The following SMARCA5 variants were observed in gnomAD, a reference collection of about 807,000 sequenced individuals.
The protein encoded by SMARCA5 is SWI/SNF-related matrix-associated actin-dependent regulator of chromatin subfamily A member 5.
A neutral mutation model predicts 140.4 loss-of-function variants in SMARCA5; 18 were observed. The observed-to-expected ratio is 0.13, with a 90% CI of 0.09 to 0.19. The LOEUF is 0.19. Among genes scored for constraint, SMARCA5 ranks in the 10% least tolerant of loss-of-function variants. The pLI, the probability that SMARCA5 is intolerant of heterozygous loss-of-function variation, is 1.00. For synonymous variants in SMARCA5, 449 were observed against 419.6 expected, an observed-to-expected ratio of 1.07 and a Z score of -0.86; for missense variants, 606 against 1,276.8, an observed-to-expected ratio of 0.47 and a Z score of 8.01.
chr4:143,531,049 C>G (rs1737173859), intron 9 of SMARCA5, among the ~76,000 whole-genome samples: 1 of 152,164 alleles, frequency 6.6e-6, no homozygotes, highest in Admixed American at 6.5e-5. Context: ...CTTCTGAACT[C>G]AAGTTATCAA....
chr4:143,530,395 G>A, intron 8 of SMARCA5, 63 bp from the exon 9 acceptor site: 1 of 996,330 alleles, frequency 1.0e-6, no homozygotes, highest in South Asian at 1.5e-5. Context: ...TCTATATCTG[G>A]TATTATAGGG....
intron 3 of SMARCA5, among the ~76,000 whole-genome samples, chr4:143,523,565 CAG>C (rs1482285449): frequency 6.6e-6 from 1 of 152,116 alleles, no homozygotes; most frequent in African/African-American, 2.4e-5. Context: ...CAAGGAATAA[CAG>C]ACTAGGATGT....
At chr4:143,523,951 C>G (rs1325036710) in intron 3 of SMARCA5, among the ~76,000 whole-genome samples, 1 of 152,126 alleles carries the variant, frequency 6.6e-6, no homozygotes, top group African/African-American at 2.4e-5. Flanking sequence ...GTGGTCACTG[C>G]TTAAATTTCT....
At chr4:143,518,863 T>G (rs1252417543) in intron 2 of SMARCA5, among the ~76,000 whole-genome samples, 1 of 152,134 alleles carries the variant, frequency 6.6e-6, no homozygotes, top group Non-Finnish European at 1.5e-5. Flanking sequence ...CTTTATAGTT[T>G]AGATTCTGAC....
At chr4:143,521,716 C>G (rs1223366168) in intron 3 of SMARCA5, 121 bp downstream of exon 3, 3 of 907,572 alleles carry the variant, frequency 3.3e-6, no homozygotes, top group Non-Finnish European at 4.9e-6. Context: ...TTATTTGGCC[C>G]TGTTTGGCTT....
At chr4:143,520,710 C>G (rs1304850316) in intron 2 of SMARCA5, among the ~76,000 whole-genome samples, 1 of 152,102 alleles carries the variant, frequency 6.6e-6, no homozygotes, top group Admixed American at 6.6e-5. Context: ...TTTGTTTCAT[C>G]AAACTATTAT....
chr4:143,536,659 C>T lies in SMARCA5; in HGVS notation c.1476C>T (p.Leu492=). ...SGKMVVLDKL[L]PKLKEQGSRV... ...AAATGGTGGTTTTAGACAAGCTGCT[C>T]CCTAAGTTAAAAGAACAAGGTATCG... The change falls in exon 11 of 24, where the codon CTC becomes CTT. Residue 492 remains leucine, a synonymous_variant. Transcript: ENST00000283131. 1.9e-6 allele frequency: 3 copies of T among 1,611,796 alleles called. No individual in the cohort carries two copies. Among genetic ancestry groups the T allele is most frequent in the Non-Finnish European group, 2.5e-6 (3 of 1,178,206 alleles).
chr4:143,515,883 C>T (rs1736819009), intron 1 of SMARCA5, among the ~76,000 whole-genome samples: 1 of 151,878 alleles, frequency 6.6e-6, no homozygotes, highest in African/African-American at 2.4e-5. Flanking sequence ...TATTGAATAA[C>T]ATTGTTATTT....
Position 143,524,391 on chromosome 4 carries a change from A to G in SMARCA5, c.444A>G (p.Gln148=). The change falls in exon 4 of 24, where the codon CAA becomes CAG. Residue 148 remains glutamine, a synonymous_variant. Transcript: ENST00000283131. ...VGDYRHRRTE[Q]EEDEELLTES... ...GTTACCGACACCGTAGAACAGAGCA[A>G]GAGGAGGATGAAGAGCTATTAACAG... is the stretch of plus-strand genomic sequence containing the variant. The G allele has an allele frequency of 6.2e-7, 1 of 1,612,794 alleles. No individual in the cohort carries two copies.
rs367811103 is a variant in SMARCA5, at chr4:143,528,766, A to G, written c.1089+52A>G. 4.4e-5 allele frequency: 67 copies of G among 1,539,946 alleles called. No homozygotes were observed. In the African/African-American group the frequency reaches 8.7e-4, roughly 20 times the overall value. On this transcript the variant is annotated intron_variant, in intron 8 of 23. Transcript: ENST00000283131. ...TAATAATAATATTTTGCTTAATGCT[A>G]TATATTTTTGTAATAAAAGTGGCCT...
At chr4:143,535,770 A>G (rs1737289781) in intron 10 of SMARCA5, among the ~76,000 whole-genome samples, 2 of 152,272 alleles carry the variant, frequency 1.3e-5, no homozygotes, top group Middle Eastern at 3.4e-3. Flanking sequence ...ACTTTGTTCA[A>G]AGGATCCAAG....
intron 11 of SMARCA5, among the ~76,000 whole-genome samples, chr4:143,538,356 C>T (rs112245797): frequency 6.6e-6 from 1 of 152,124 alleles, no homozygotes; most frequent in African/African-American, 2.4e-5. Context: ...CAAAGCCTTC[C>T]AGACCAGAGG....
At chr4:143,525,608 G>T in intron 5 of SMARCA5, 57 bp downstream of exon 5, 9 of 1,152,056 alleles carry the variant, frequency 7.8e-6, no homozygotes, top group South Asian at 4.9e-5. Context: ...TATCTTATAC[G>T]TTGATAAAAG....
chr4:143,529,038 G>A (rs1017215569), intron 8 of SMARCA5, among the ~76,000 whole-genome samples: 21 of 152,142 alleles, frequency 1.4e-4, no homozygotes, highest in Admixed American at 4.6e-4. Context: ...GAATTCAGGT[G>A]ATTCTTGTGC....
At chr4:143,535,901 C>T (rs577534073) in intron 10 of SMARCA5, among the ~76,000 whole-genome samples, 3 of 152,054 alleles carry the variant, frequency 2.0e-5, no homozygotes, top group African/African-American at 7.2e-5. Context: ...CTTCACAGTC[C>T]TGCCTCACAG....
rs755470653 is a variant in SMARCA5 at position 143,521,455 on chromosome 4, G to A, written c.279G>A (p.Glu93=). ...KMQTDRANRF[E]YLLKQTELFA... ...AAACTGACCGGGCAAATAGATTCGA[G>A]TATTTATTAAAGCAGACAGAACTTT... Residue 93 remains glutamate (E), a synonymous_variant, in exon 3 of 24, where the codon GAG becomes GAA. Transcript: ENST00000283131. 6 of 1,608,454 alleles carry A rather than the reference G, an allele frequency of 3.7e-6. No homozygotes were observed. In the East Asian group the frequency reaches 8.9e-5, roughly 24 times the overall value.
At chr4:143,524,034 G>A (rs1737019360) in intron 3 of SMARCA5, among the ~76,000 whole-genome samples, 1 of 151,398 alleles carries the variant, frequency 6.6e-6, no homozygotes, top group Non-Finnish European at 1.5e-5. Flanking sequence ...TTTTTTCCTT[G>A]GCAAAAAGAT....
At chr4:143,536,192 G>A (rs1578799432) in intron 10 of SMARCA5, among the ~76,000 whole-genome samples, 1 of 152,044 alleles carries the variant, frequency 6.6e-6, no homozygotes, top group East Asian at 1.9e-4. Context: ...TTCTACCCAA[G>A]GGAACTGTTT....
At chr4:143,535,134 T>C (rs1030432750) in intron 10 of SMARCA5, among the ~76,000 whole-genome samples, 170 bp downstream of exon 10, 1 of 152,200 alleles carries the variant, frequency 6.6e-6, no homozygotes, top group Non-Finnish European at 1.5e-5. Flanking sequence ...AAGTTCGTTA[T>C]AGAAAGTTTT....
Sources: gnomAD v4.1 joint callset for allele counts (sites outside exome capture counted in the v4.1 genomes callset) on GRCh38, gnomAD v4.1.1 for gene constraint, MANE v1.5 for transcripts, NCBI Gene and HGNC (gene_info 2026-07-23, HGNC 2026-07-21) for gene names.